FRMD4A: variants seen among roughly 807,000 people sequenced by gnomAD.
FRMD4A encodes FERM domain-containing protein 4A.
In FRMD4A, 29 loss-of-function variants were observed where a neutral mutation model predicts 129.1. That is an observed-to-expected ratio of 0.22 (90% CI 0.17 to 0.31). FRMD4A has a LOEUF of 0.31. FRMD4A is among the 10% of genes least tolerant of loss of function. The pLI is 1.00. For synonymous variants in FRMD4A, 634 were observed against 571.6 expected, an observed-to-expected ratio of 1.11 and a Z score of -1.56; for missense variants, 1,272 against 1,375.8, an observed-to-expected ratio of 0.92 and a Z score of 1.19.
intron 19 of FRMD4A, among the ~76,000 whole-genome samples, chr10:13,661,913 C>G (rs1049759961): frequency 1.8e-4 from 27 of 152,094 alleles, no homozygotes; most frequent in African/African-American, 6.0e-4. Context: ...CACTATGCAC[C>G]CACTCCTCCT....
chr10:13,699,053 TC>T (rs1286150180), intron 14 of FRMD4A, among the ~76,000 whole-genome samples: 10 of 83,762 alleles, frequency 1.2e-4, no homozygotes, highest in African/African-American at 3.4e-4. Context: ...TCTACAATAA[TC>T]TTTTTTTTTT....
chr10:13,768,459 C>T (rs139519831), intron 6 of FRMD4A, among the ~76,000 whole-genome samples: 1 of 152,154 alleles, frequency 6.6e-6, no homozygotes, highest in Non-Finnish European at 1.5e-5. Flanking sequence ...TCATGTAAGA[C>T]AAATGAGATA....
intron 2 of FRMD4A, among the ~76,000 whole-genome samples, chr10:14,210,779 G>C (rs1842914339): frequency 6.6e-6 from 1 of 152,176 alleles, no homozygotes; most frequent in South Asian, 2.1e-4. Flanking sequence ...CCAGGCTGGA[G>C]TGCAGTGACA....
chr10:14,311,564 C>A (rs1017349263), intron 2 of FRMD4A, among the ~76,000 whole-genome samples: 3 of 130,722 alleles, frequency 2.3e-5, no homozygotes, highest in Admixed American at 1.5e-4. Flanking sequence ...TGGTACCCCC[C>A]ACCCTCCCAC....
intron 2 of FRMD4A, among the ~76,000 whole-genome samples, chr10:14,320,847 C>T (rs1158584135): frequency 6.6e-6 from 1 of 152,126 alleles, no homozygotes; most frequent in East Asian, 1.9e-4. Context: ...TCCTTCCCAC[C>T]CCGGGGCCAT....
intron 2 of FRMD4A, among the ~76,000 whole-genome samples, chr10:14,111,344 G>T (rs1316474510): frequency 2.0e-5 from 3 of 152,134 alleles, no homozygotes; most frequent in Middle Eastern, 3.2e-3. Context: ...TCATGAGTCT[G>T]TCTATGCCAT....
chr10:13,778,129 G>A (rs2092644744), intron 6 of FRMD4A, among the ~76,000 whole-genome samples: 1 of 151,930 alleles, frequency 6.6e-6, no homozygotes. Flanking sequence ...GTGATTTCGC[G>A]GATTCAGCCT....
intron 2 of FRMD4A, among the ~76,000 whole-genome samples, chr10:13,896,539 G>T (rs1434869149): frequency 1.3e-5 from 2 of 152,062 alleles, no homozygotes; most frequent in African/African-American, 4.8e-5. Flanking sequence ...GGCAAGGGGA[G>T]GGAAAGCATT....
intron 3 of FRMD4A, among the ~76,000 whole-genome samples, chr10:13,845,412 T>C (rs2094029451): frequency 1.3e-5 from 2 of 152,226 alleles, no homozygotes; most frequent in South Asian, 4.1e-4. Context: ...AGTGAACTGA[T>C]ACTGAACTCT....
intron 2 of FRMD4A, among the ~76,000 whole-genome samples, chr10:14,107,447 T>A (rs549881656): frequency 2.8e-3 from 428 of 152,348 alleles, no homozygotes; most frequent in Non-Finnish European, 4.6e-3. Context: ...TAGGATTTTT[T>A]AAAAAATATT....
At chr10:14,269,963 G>A (rs1589248983) in intron 2 of FRMD4A, among the ~76,000 whole-genome samples, 1 of 152,264 alleles carries the variant, frequency 6.6e-6, no homozygotes, top group African/African-American at 2.4e-5. Flanking sequence ...GGCCCAGATG[G>A]GACGAAAAGG....
intron 3 of FRMD4A, among the ~76,000 whole-genome samples, chr10:13,828,597 A>G (rs1430086165): frequency 6.8e-6 from 1 of 146,838 alleles, no homozygotes; most frequent in East Asian, 2.0e-4. Context: ...CAATGGCACC[A>G]TCTTGGCTCA....
intron 24 of FRMD4A, chr10:13,648,797 AT>A (rs1313038366): frequency 1.3e-5 from 2 of 152,176 alleles, no homozygotes; most frequent in Non-Finnish European, 2.9e-5. Context: ...TGTTGATGAA[AT>A]TTTTGTTTCT....
At chr10:13,683,597 T>C (rs1030680498) in intron 15 of FRMD4A, among the ~76,000 whole-genome samples, 1 of 151,598 alleles carries the variant, frequency 6.6e-6, no homozygotes, top group Non-Finnish European at 1.5e-5. Context: ...ACCCTGTCTC[T>C]AAACAGACAA....
chr10:14,040,866 G>A (rs1404771205), intron 2 of FRMD4A, among the ~76,000 whole-genome samples: 1 of 152,168 alleles, frequency 6.6e-6, no homozygotes, highest in Admixed American at 6.5e-5. Context: ...AGGTGTTGAA[G>A]GGAAGGTGGT....
chr10:13,721,481 CA>C (rs142931206), intron 12 of FRMD4A, among the ~76,000 whole-genome samples: 1 of 150,396 alleles, frequency 6.6e-6, no homozygotes, highest in East Asian at 1.9e-4. Flanking sequence ...AACTCTGCCT[CA>C]AAAAAAAAGA....
chr10:13,716,520 C>A (rs1272629946), intron 12 of FRMD4A, among the ~76,000 whole-genome samples: 1 of 152,222 alleles, frequency 6.6e-6, no homozygotes, highest in Non-Finnish European at 1.5e-5. Context: ...ATGGCTAATT[C>A]TTCTCTGCAG....
chr10:14,230,917 G>A lies in FRMD4A; in HGVS notation c.45+99141C>T, dbSNP rs1267228892. Among the ~76,000 whole-genome samples the A allele has an allele frequency of 2.0e-5, 3 of 152,260 alleles. No homozygotes were observed. The East Asian group carries it at 5.8e-4, about 29-fold the overall frequency. The stretch of plus-strand genomic sequence containing the variant: ...TTCTGTTTCTGTTTTAGTTCACTTA[G>A]GATAATGGCCTCCAGCTGCATCCAT... On this transcript the variant is annotated intron_variant, in intron 2 of 24. Transcript: ENST00000357447.
chr10:14,000,172 A>G (rs142210971), intron 2 of FRMD4A, among the ~76,000 whole-genome samples: 218 of 152,314 alleles, frequency 1.4e-3, no homozygotes, highest in African/African-American at 5.1e-3. Flanking sequence ...TTTCTTCTAT[A>G]TAGTTTTATG....
Sources: gnomAD v4.1 joint callset for allele counts (sites outside exome capture counted in the v4.1 genomes callset) on GRCh38, gnomAD v4.1.1 for gene constraint, MANE v1.5 for transcripts, NCBI Gene and HGNC (gene_info 2026-07-23, HGNC 2026-07-21) for gene names.